IQSEC2: variants seen among roughly 807,000 people sequenced by gnomAD.
IQSEC2 encodes IQ motif and Sec7 domain ArfGEF 2, also known as IQ motif and SEC7 domain-containing protein 2.
In IQSEC2, 6 loss-of-function variants were observed where a neutral mutation model predicts 74.6. The ratio of observed to expected loss-of-function variants is 0.08; its 90% CI spans 0.04 to 0.16. IQSEC2 has a LOEUF of 0.16. Ranked by LOEUF, IQSEC2 falls within the 10% of genes least tolerant of loss-of-function variation. IQSEC2 has a pLI of 1.00. For synonymous variants in IQSEC2, 494 were observed against 544.5 expected, an observed-to-expected ratio of 0.91 and a Z score of 1.29; for missense variants, 734 against 1,306.2, an observed-to-expected ratio of 0.56 and a Z score of 6.75.
intron 2 of IQSEC2, among the ~76,000 whole-genome samples, chrX:53,280,456 A>C (rs2074936215): frequency 9.0e-6 from 1 of 110,704 alleles, no homozygotes; most frequent in South Asian, 4.0e-4. Flanking sequence ...AGCCAGAGAG[A>C]GGCAGAGAGC....
At chrX:53,261,162 C>T (rs957198418) in intron 2 of IQSEC2, among the ~76,000 whole-genome samples, 1 of 111,326 alleles carries the variant, frequency 9.0e-6, no homozygotes, top group Admixed American at 9.5e-5. Flanking sequence ...AAGTCAGAGC[C>T]CCCAGAACAA....
At chrX:53,317,091 C>T (rs781930091) in intron 1 of IQSEC2, among the ~76,000 whole-genome samples, 1 of 111,637 alleles carries the variant, frequency 9.0e-6, no homozygotes, top group East Asian at 2.8e-4. Context: ...CTCTAGGTGG[C>T]AGGACTGCAA....
chrX:53,255,568 G>T (rs2074453647), intron 3 of IQSEC2, among the ~76,000 whole-genome samples: 1 of 111,172 alleles, frequency 9.0e-6, no homozygotes, highest in African/African-American at 3.3e-5. Context: ...TCTTTACATC[G>T]CCAGGACCCG....
chrX:53,274,071 T>A (rs941761642), intron 2 of IQSEC2, among the ~76,000 whole-genome samples: 11 of 112,742 alleles, frequency 9.8e-5, no homozygotes, highest in African/African-American at 3.5e-4. Flanking sequence ...CATAATCTTG[T>A]CTTTCTTTTG....
intron 4 of IQSEC2, among the ~76,000 whole-genome samples, chrX:53,253,767 G>A (rs1023103171): frequency 9.0e-6 from 1 of 111,287 alleles, no homozygotes; most frequent in African/African-American, 3.3e-5. Context: ...GGATCCTTGA[G>A]GACAAGGACC....
intron 2 of IQSEC2, among the ~76,000 whole-genome samples, chrX:53,280,559 G>C (rs1005125008): frequency 2.7e-5 from 3 of 110,436 alleles, no homozygotes; most frequent in African/African-American, 9.9e-5. Context: ...GGGTGAGGCA[G>C]AGGATGGGGT....
chrX:53,301,852 G>A (rs144601256), intron 1 of IQSEC2, among the ~76,000 whole-genome samples: 1,593 of 112,180 alleles, frequency 0.014, 39 homozygotes, highest in African/African-American at 0.048. Flanking sequence ...TGCAACCCAT[G>A]GATGAATCCA....
chrX:53,252,947 C>CTCTCT (rs112620585), intron 4 of IQSEC2, among the ~76,000 whole-genome samples: 3,070 of 111,774 alleles, frequency 0.027, 121 homozygotes, highest in African/African-American at 0.095. Flanking sequence ...GGCCTGGTTT[C>CTCTCT]TCTCTTTTTA....
chrX:53,238,051 C>T (rs1164746349), intron 12 of IQSEC2, 94 bp downstream of exon 12: 5 of 1,004,158 alleles, frequency 5.0e-6, no homozygotes, highest in East Asian at 3.3e-5. Flanking sequence ...GACAAGCTAA[C>T]CCTCAACTCT....
chrX:53,287,070 C>A (rs2075040878), intron 2 of IQSEC2, among the ~76,000 whole-genome samples: 1 of 110,837 alleles, frequency 9.0e-6, no homozygotes, highest in Non-Finnish European at 1.9e-5. Context: ...GAGACAGCAA[C>A]CTTGGTCCTC....
chrX:53,247,816 C>T (rs1425873081), intron 7 of IQSEC2, among the ~76,000 whole-genome samples: 1 of 112,088 alleles, frequency 8.9e-6, no homozygotes, highest in Non-Finnish European at 1.9e-5. Context: ...TGTGATTATT[C>T]GGTGAAATAA....
At chrX:53,242,004 T>A in intron 9 of IQSEC2, 95 bp from the exon 10 acceptor site, 1 of 1,032,964 alleles carries the variant, frequency 9.7e-7, no homozygotes, top group Non-Finnish European at 1.3e-6. Flanking sequence ...AGTTTACCAC[T>A]CATACATGTG....
At chrX:53,315,050 G>A (rs1301554263) in intron 1 of IQSEC2, among the ~76,000 whole-genome samples, 1 of 111,609 alleles carries the variant, frequency 9.0e-6, no homozygotes, top group Non-Finnish European at 1.9e-5. Context: ...GAATAACCTC[G>A]GGCAGGTCAC....
At chrX:53,258,128 G>A (rs1378565520) in intron 2 of IQSEC2, among the ~76,000 whole-genome samples, 1 of 111,325 alleles carries the variant, frequency 9.0e-6, no homozygotes, top group African/African-American at 3.3e-5. Context: ...CATCGTCTCC[G>A]CCATCTGCAA....
intron 12 of IQSEC2, 22 bp downstream of exon 12, chrX:53,238,123 G>C (rs368127921): frequency 2.9e-5 from 34 of 1,187,879 alleles, no homozygotes; most frequent in Non-Finnish European, 2.8e-5. Flanking sequence ...GAGCAGGGAG[G>C]AGACATGGCT....
At chrX:53,290,917 C>G (rs5933570) in intron 2 of IQSEC2, among the ~76,000 whole-genome samples, 5,120 of 112,479 alleles carry the variant, frequency 0.046, 107 homozygotes, top group South Asian at 0.11. Flanking sequence ...ATATCCAACC[C>G]GTGCTATGCT....
At chrX:53,237,821 C>T in intron 12 of IQSEC2, 1 of 277,538 alleles carries the variant, frequency 3.6e-6, no homozygotes, top group Non-Finnish European at 6.6e-6. Flanking sequence ...AGGCAATTTG[C>T]TGCAGTTCAC....
intron 2 of IQSEC2, among the ~76,000 whole-genome samples, chrX:53,291,225 G>A (rs1556872970): frequency 9.0e-6 from 1 of 111,223 alleles, no homozygotes; most frequent in Non-Finnish European, 1.9e-5. Context: ...AAGGTCCCTT[G>A]TCTTTACCTT....
intron 1 of IQSEC2, among the ~76,000 whole-genome samples, chrX:53,295,129 G>A (rs1444514322): frequency 3.6e-5 from 4 of 111,904 alleles, no homozygotes; most frequent in African/African-American, 6.5e-5. Context: ...GGCCAGCCTT[G>A]TCTTAATGAA....
Sources: allele counts gnomAD v4.1 joint callset (sites outside exome capture counted in the v4.1 genomes callset), GRCh38; gene constraint gnomAD v4.1.1; transcripts MANE v1.5; gene names NCBI Gene and HGNC (gene_info 2026-07-23, HGNC 2026-07-21).